Variants in CSMD1 observed in about 807,000 individuals in gnomAD.
The protein encoded by CSMD1 is CUB and sushi domain-containing protein 1.
Under a neutral mutation model 417.5 loss-of-function variants are expected in CSMD1, and 213 were observed. The ratio of observed to expected loss-of-function variants is 0.51; its 90% CI spans 0.46 to 0.57. The LOEUF is 0.57. CSMD1 is among the 20% of genes least tolerant of loss of function. The pLI, the probability that CSMD1 is intolerant of heterozygous loss-of-function variation, is 0.00. For synonymous variants in CSMD1, 2,862 were observed against 1,736.8 expected (o/e 1.65, Z -16.11); for missense variants, 6,923 against 4,529.7 (o/e 1.53, Z -15.17).
intron 12 of CSMD1, among the ~76,000 whole-genome samples, chr8:3,419,980 T>C (rs926920564): frequency 1.3e-5 from 2 of 152,142 alleles, no homozygotes; most frequent in African/African-American, 4.8e-5. Context: ...TTGTGGATAA[T>C]AATCGTTCGC....
chr8:3,544,241 G>T (rs533462554), intron 10 of CSMD1, among the ~76,000 whole-genome samples: 2 of 152,198 alleles, frequency 1.3e-5, no homozygotes, highest in East Asian at 3.9e-4. Flanking sequence ...AATTAAAAGT[G>T]CCCCGACATC....
intron 5 of CSMD1, among the ~76,000 whole-genome samples, chr8:3,826,113 C>G (rs1005001901): frequency 6.6e-6 from 1 of 151,964 alleles, no homozygotes; most frequent in Non-Finnish European, 1.5e-5. Flanking sequence ...AACAATAAAC[C>G]GGCCGTCAGC....
At chr8:4,893,513 A>T (rs1804269402) in intron 1 of CSMD1, among the ~76,000 whole-genome samples, 1 of 152,120 alleles carries the variant, frequency 6.6e-6, no homozygotes, top group Non-Finnish European at 1.5e-5. Context: ...GCACATTTTA[A>T]TTTACCCACT....
intron 3 of CSMD1, among the ~76,000 whole-genome samples, chr8:4,085,481 C>T (rs909666220): frequency 6.6e-6 from 1 of 152,088 alleles, no homozygotes; most frequent in Non-Finnish European, 1.5e-5. Context: ...CAGTTTAAAA[C>T]CCCTTGGATA....
intron 8 of CSMD1, among the ~76,000 whole-genome samples, chr8:3,609,464 G>T (rs1316330288): frequency 1.3e-5 from 2 of 152,056 alleles, no homozygotes; most frequent in Non-Finnish European, 2.9e-5. Flanking sequence ...TGTATTTTAT[G>T]CTTTATTTTC....
chr8:3,427,515 G>A (rs904515500), intron 12 of CSMD1, among the ~76,000 whole-genome samples: 6 of 151,936 alleles, frequency 3.9e-5, no homozygotes, highest in African/African-American at 1.2e-4. Flanking sequence ...ATTTAATAAG[G>A]ATGAAGTAAA....
chr8:3,567,904 A>G (rs138499275), intron 10 of CSMD1, among the ~76,000 whole-genome samples: 1 of 152,030 alleles, frequency 6.6e-6, no homozygotes, highest in East Asian at 1.9e-4. Flanking sequence ...CCTTCCACAC[A>G]TCATCACACA....
At chr8:3,855,993 AT>A (rs879477970) in intron 5 of CSMD1, among the ~76,000 whole-genome samples, 21 of 151,664 alleles carry the variant, frequency 1.4e-4, no homozygotes, top group African/African-American at 3.9e-4. Context: ...GTATTAATCA[AT>A]TTTTTTTTGT....
chr8:4,300,514 T>C (rs77183691), intron 3 of CSMD1, among the ~76,000 whole-genome samples: 2,962 of 152,320 alleles, frequency 0.019, 90 homozygotes, highest in African/African-American at 0.066. Context: ...GAAGGAAATG[T>C]CCTTTACAGA....
intron 35 of CSMD1, among the ~76,000 whole-genome samples, chr8:3,188,180 A>G (rs1796188923): frequency 6.8e-6 from 1 of 147,904 alleles, no homozygotes; most frequent in Non-Finnish European, 1.5e-5. Flanking sequence ...CCATAATATT[A>G]TATATATATA....
intron 3 of CSMD1, among the ~76,000 whole-genome samples, chr8:4,251,921 T>A (rs919978101): frequency 2.0e-4 from 29 of 141,584 alleles, no homozygotes; most frequent in African/African-American, 7.5e-4. Flanking sequence ...AATGTGGGAA[T>A]GGGAAGGGAG....
chr8:3,337,380 T>C (rs1389865830), intron 23 of CSMD1, among the ~76,000 whole-genome samples: 8 of 152,204 alleles, frequency 5.3e-5, no homozygotes, highest in East Asian at 1.9e-4. Context: ...GGGAAAGTCA[T>C]TGTTCTGCAT....
intron 11 of CSMD1, among the ~76,000 whole-genome samples, chr8:3,491,937 G>C (rs1309319999): frequency 6.6e-6 from 1 of 152,162 alleles, no homozygotes; most frequent in Non-Finnish European, 1.5e-5. Flanking sequence ...TGAGGATCCG[G>C]AGGCTTGCTC....
At chr8:3,720,230 G>A (rs910749196) in intron 6 of CSMD1, among the ~76,000 whole-genome samples, 2 of 152,042 alleles carry the variant, frequency 1.3e-5, no homozygotes, top group Admixed American at 6.6e-5. Context: ...AACATGCCAC[G>A]TCATCTTCAC....
intron 51 of CSMD1, 80 bp downstream of exon 51, chr8:3,029,239 G>C (rs928240800): frequency 2.6e-6 from 3 of 1,173,694 alleles, no homozygotes; most frequent in African/African-American, 1.5e-5. Context: ...AGCTCCACTA[G>C]AGAAGCTCAC....
chr8:4,193,819 A>C (rs1169630319), intron 3 of CSMD1, among the ~76,000 whole-genome samples: 2 of 152,062 alleles, frequency 1.3e-5, no homozygotes, highest in African/African-American at 2.4e-5. Flanking sequence ...AAGAGCAGGA[A>C]AACAGAATAC....
At chr8:4,979,007 A>G (rs1409414625) in intron 1 of CSMD1, among the ~76,000 whole-genome samples, 1 of 152,160 alleles carries the variant, frequency 6.6e-6, no homozygotes, top group Admixed American at 6.5e-5. Flanking sequence ...TTAAAAATCT[A>G]CTTTGAAGAG....
intron 52 of CSMD1, among the ~76,000 whole-genome samples, chr8:3,015,195 G>C (rs569102110): frequency 6.6e-6 from 1 of 151,734 alleles, no homozygotes; most frequent in South Asian, 2.1e-4. Context: ...CAGCTCTCTT[G>C]GGGTTCCTCA....
chr8:3,897,089 T>A (rs563067778), intron 5 of CSMD1, among the ~76,000 whole-genome samples: 1 of 152,282 alleles, frequency 6.6e-6, no homozygotes, highest in African/African-American at 2.4e-5. Context: ...AATGTTCCTT[T>A]CAATACTGGA....
Sources: allele counts gnomAD v4.1 joint callset (sites outside exome capture counted in the v4.1 genomes callset), GRCh38; gene constraint gnomAD v4.1.1; transcripts MANE v1.5; gene names NCBI Gene and HGNC (gene_info 2026-07-23, HGNC 2026-07-21).